Variants in HS6ST3 observed in about 807,000 individuals in gnomAD.
The protein encoded by HS6ST3 is heparan sulfate 6-O-sulfotransferase 3.
HS6ST3 carries 12 observed loss-of-function variants against 36.7 expected under a neutral mutation model. That is an observed-to-expected ratio of 0.33 (90% CI 0.21 to 0.53). The LOEUF is 0.53. Among genes scored for constraint, HS6ST3 ranks in the 20% least tolerant of loss-of-function variants. The pLI is 0.95. For missense variants in HS6ST3, 584 were observed against 640.9 expected (o/e 0.91, Z 0.96); for synonymous variants, 240 against 257.5 (o/e 0.93, Z 0.65).
chr13:96,500,753 G>A, intron 1 of HS6ST3, among the ~76,000 whole-genome samples: 1 of 152,128 alleles, frequency 6.6e-6, no homozygotes, highest in East Asian at 1.9e-4. Flanking sequence ...TCTGTGACAT[G>A]TATTTTCTAG....
At chr13:96,509,953 T>A (rs1307213797) in intron 1 of HS6ST3, among the ~76,000 whole-genome samples, 1 of 152,190 alleles carries the variant, frequency 6.6e-6, no homozygotes, top group Admixed American at 6.5e-5. Flanking sequence ...ATTTTTACAC[T>A]ATTGATTCTC....
In HS6ST3 at chr13:96,823,735, T is replaced by A. The variant is rs146612771; in HGVS notation, c.708-8755T>A. ...CCCATGTTCAAGCAATTCTCCTACCTCAGCCTCCCAAGTAGCTGGGATTAC... is the reference window on the plus strand; with the variant it reads ...CCCATGTTCAAGCAATTCTCCTACCACAGCCTCCCAAGTAGCTGGGATTAC... On this transcript the variant is annotated intron_variant, in intron 1 of 1. Coordinates refer to ENST00000376705, the MANE Select transcript of HS6ST3 (RefSeq NM_153456.4). 1.5e-3 allele frequency among the ~76,000 whole-genome samples: 224 copies of A among 152,204 alleles called. 1 individual carries two copies. The highest frequency in any genetic ancestry group is 2.2e-3 in the Admixed American group (33 of 15,282).
intron 1 of HS6ST3, among the ~76,000 whole-genome samples, chr13:96,260,506 G>A (rs1478106958): frequency 1.3e-5 from 2 of 151,188 alleles, no homozygotes; most frequent in South Asian, 2.1e-4. Flanking sequence ...CTAGAGACGG[G>A]GTTTCACCAT....
chr13:96,218,870 A>G (rs2139361463), intron 1 of HS6ST3, among the ~76,000 whole-genome samples: 2 of 152,182 alleles, frequency 1.3e-5, no homozygotes, highest in South Asian at 4.2e-4. Flanking sequence ...TTTTCTCTCC[A>G]GTCCCCAGCC....
At chr13:96,190,010 G>A (rs908972088) in intron 1 of HS6ST3, among the ~76,000 whole-genome samples, 17 of 152,044 alleles carry the variant, frequency 1.1e-4, no homozygotes, top group South Asian at 1.0e-3. Flanking sequence ...GAAATAAGAT[G>A]GTAAAAATTC....
chr13:96,490,006 C>T (rs981867941), intron 1 of HS6ST3, among the ~76,000 whole-genome samples: 47 of 152,084 alleles, frequency 3.1e-4, no homozygotes, highest in South Asian at 4.1e-4. Flanking sequence ...TCTACTCATA[C>T]TTAGCTCTGA....
intron 1 of HS6ST3, among the ~76,000 whole-genome samples, chr13:96,189,816 C>T (rs1308511960): frequency 6.6e-6 from 1 of 152,208 alleles, no homozygotes; most frequent in Non-Finnish European, 1.5e-5. Flanking sequence ...ACTAAATCAA[C>T]TACATGATCA....
rs559890558 is a variant in HS6ST3 at position 96,396,003 on chromosome 13, C to A, written c.707+304434C>A. Among the ~76,000 whole-genome samples the A allele has an allele frequency of 2.6e-5, 4 of 152,208 alleles. No homozygotes were observed. In the South Asian group the frequency reaches 8.3e-4, roughly 32 times the overall value. On this transcript the variant is annotated intron_variant, in intron 1 of 1. Coordinates refer to ENST00000376705, the MANE Select transcript of HS6ST3 (RefSeq NM_153456.4). Reference sequence around the variant, plus strand: ...TATCTGTAAAATGGGAAAAATGATACCTACCTCCATGTTTAATCAGGAATT... The same window carrying A: ...TATCTGTAAAATGGGAAAAATGATAACTACCTCCATGTTTAATCAGGAATT...
chr13:96,705,073 T>A (rs1353015723), intron 1 of HS6ST3, among the ~76,000 whole-genome samples: 1 of 152,166 alleles, frequency 6.6e-6, no homozygotes, highest in African/African-American at 2.4e-5. Flanking sequence ...ACTATTGACA[T>A]CTCCCATCAC....
At chr13:96,479,477 G>A (rs537790224) in intron 1 of HS6ST3, among the ~76,000 whole-genome samples, 7 of 152,248 alleles carry the variant, frequency 4.6e-5, no homozygotes, top group African/African-American at 1.4e-4. Context: ...GCTTAGGTTC[G>A]AACTTTAGAA....
Position 96,834,226 on chromosome 13 carries a change from T to A in HS6ST3, c.*1028T>A, listed in dbSNP as rs757646329. 1 of 152,152 alleles carries A rather than the reference T, an allele frequency of 6.6e-6. No individual in the cohort carries two copies. The highest frequency in any genetic ancestry group is 1.5e-5 in the Non-Finnish European group (1 of 68,022). 9.4% of individuals were successfully genotyped at this position (152,152 alleles called of 1,614,324 possible). A position where few individuals can be genotyped will look rare whatever the true frequency, so the allele number is the denominator to read the frequency against. On this transcript the variant is annotated 3_prime_UTR_variant, in exon 2 of 2. Transcript: ENST00000376705. The stretch of plus-strand genomic sequence containing the variant: ...AAAGCTTGGCCCAAAGAATAGGAAC[T>A]TAGCTAGCATGTATACAAAATATAT...
chr13:96,714,899 G>A lies in HS6ST3; in HGVS notation c.708-117591G>A, dbSNP rs150877530. Among the ~76,000 whole-genome samples, 12 of 152,044 alleles carry A rather than the reference G, an allele frequency of 7.9e-5. 1 individual carries two copies. The highest frequency in any genetic ancestry group is 2.9e-4 in the African/African-American group (12 of 41,488). On this transcript the variant is annotated intron_variant, in intron 1 of 1. Coordinates refer to ENST00000376705, the MANE Select transcript of HS6ST3 (RefSeq NM_153456.4). ...TTTTTTCTTTTGTTGTAGAGACAGG[G>A]TCTTGCTATTTTGCCCAGGCTGGTC... is the stretch of plus-strand genomic sequence containing the variant.
intron 1 of HS6ST3, among the ~76,000 whole-genome samples, chr13:96,229,610 A>G (rs2054498180): frequency 6.6e-6 from 1 of 152,220 alleles, no homozygotes; most frequent in African/African-American, 2.4e-5. Context: ...AACCAACCCT[A>G]TTATCTCCCA....
intron 1 of HS6ST3, among the ~76,000 whole-genome samples, chr13:96,575,284 G>A (rs930782157): frequency 6.6e-6 from 1 of 152,200 alleles, no homozygotes; most frequent in South Asian, 2.1e-4. Flanking sequence ...AAGGTGTGAT[G>A]TCACCACTGC....
intron 1 of HS6ST3, among the ~76,000 whole-genome samples, chr13:96,107,889 C>G (rs967680569): frequency 6.6e-6 from 1 of 152,170 alleles, no homozygotes; most frequent in African/African-American, 2.4e-5. Flanking sequence ...TCTTCGTAAG[C>G]TGAGGATATA....
chr13:96,348,325 C>T (rs1374108729), intron 1 of HS6ST3, among the ~76,000 whole-genome samples: 1 of 152,146 alleles, frequency 6.6e-6, no homozygotes, highest in Non-Finnish European at 1.5e-5. Flanking sequence ...TATTGTAGTT[C>T]CAATTACTCC....
At chr13:96,517,888 A>G (rs993374779) in intron 1 of HS6ST3, among the ~76,000 whole-genome samples, 1 of 152,192 alleles carries the variant, frequency 6.6e-6, no homozygotes. Context: ...AAATCATTCT[A>G]CCATAAAGAT....
At chr13:96,234,822 T>G (rs1838332819) in intron 1 of HS6ST3, among the ~76,000 whole-genome samples, 1 of 152,218 alleles carries the variant, frequency 6.6e-6, no homozygotes, top group African/African-American at 2.4e-5. Context: ...ACAAGGGCAC[T>G]CTTAGATGCT....
intron 1 of HS6ST3, among the ~76,000 whole-genome samples, chr13:96,461,943 C>T (rs749972896): frequency 1.1e-4 from 17 of 152,118 alleles, no homozygotes; most frequent in Admixed American, 2.6e-4. Flanking sequence ...ACATGAAATC[C>T]AGATACATCT....
Sources: allele counts gnomAD v4.1 joint callset (sites outside exome capture counted in the v4.1 genomes callset), GRCh38; gene constraint gnomAD v4.1.1; transcripts MANE v1.5; gene names NCBI Gene and HGNC (gene_info 2026-07-23, HGNC 2026-07-21).